PRKD1: variants seen among roughly 807,000 people sequenced by gnomAD.
The protein encoded by PRKD1 is protein kinase D1, also known as serine/threonine-protein kinase D1.
Under a neutral mutation model 95.9 loss-of-function variants are expected in PRKD1, and 63 were observed. That is an observed-to-expected ratio of 0.66 (90% CI 0.54 to 0.81). PRKD1 has a LOEUF of 0.81. Among genes scored for constraint, PRKD1 ranks in the 30% least tolerant of loss-of-function variants. The pLI is 0.00. For missense variants in PRKD1, 1,048 were observed against 1,165.3 expected, an observed-to-expected ratio of 0.90 and a Z score of 1.47; for synonymous variants, 425 against 423.1, an observed-to-expected ratio of 1.00 and a Z score of -0.05.
At chr14:29,773,462 A>G (rs1888600265) in intron 1 of PRKD1, among the ~76,000 whole-genome samples, 3 of 147,410 alleles carry the variant, frequency 2.0e-5, no homozygotes, top group African/African-American at 7.9e-5. Context: ...TCTGTCTCAA[A>G]AAAAAAAAAA....
chr14:29,649,432 A>AT (rs60947711), intron 4 of PRKD1, among the ~76,000 whole-genome samples: 16,916 of 137,050 alleles, frequency 0.12, 1,406 homozygotes, highest in South Asian at 0.24. Context: ...AGTTTTTCTA[A>AT]TTTTTTTTTT....
chr14:29,686,991 C>T (rs1883912640), intron 2 of PRKD1, among the ~76,000 whole-genome samples: 1 of 46,034 alleles, frequency 2.2e-5, no homozygotes, highest in Admixed American at 3.1e-4. Flanking sequence ...TTACTTCATT[C>T]TCCATATCCT....
Position 29,679,722 on chromosome 14 carries a change from A to T in PRKD1, c.404-13514T>A, listed in dbSNP as rs1883425877. Among the ~76,000 whole-genome samples the T allele has an allele frequency of 2.2e-5, 3 of 135,382 alleles. No homozygotes were observed. The South Asian group carries it at 7.3e-4, about 33-fold the overall frequency. The allele number at this position is 135,382 out of a possible 152,430, so 88.8% of individuals were successfully genotyped here. A position where few individuals can be genotyped will look rare whatever the true frequency, so the allele number is the denominator to read the frequency against. On this transcript the variant is annotated intron_variant, in intron 2 of 17. Coordinates refer to ENST00000331968, the MANE Select transcript of PRKD1 (RefSeq NM_002742.3). ...GCTGTAAAAGATGAAGGAAGGTACA[A>T]ATCTTTTTTTTTTTTTTTTTTCTGA...
intron 1 of PRKD1, among the ~76,000 whole-genome samples, chr14:29,857,466 C>T (rs1209542755): frequency 6.6e-6 from 1 of 152,202 alleles, no homozygotes. Flanking sequence ...GTTGGCCTTC[C>T]TGACAGACCC....
intron 13 of PRKD1, among the ~76,000 whole-genome samples, chr14:29,604,288 C>T (rs1463683398): frequency 6.6e-6 from 1 of 152,038 alleles, no homozygotes; most frequent in African/African-American, 2.4e-5. Context: ...GTAGTTTCCA[C>T]CTTCTACCTT....
intron 1 of PRKD1, among the ~76,000 whole-genome samples, chr14:29,882,657 C>T (rs934679255): frequency 1.7e-4 from 26 of 152,192 alleles, no homozygotes; most frequent in African/African-American, 6.0e-4. Flanking sequence ...CGCATTTTCC[C>T]TCTCCCCAGC....
At chr14:29,899,026 T>C (rs778440047) in intron 1 of PRKD1, among the ~76,000 whole-genome samples, 2 of 152,204 alleles carry the variant, frequency 1.3e-5, no homozygotes, top group Non-Finnish European at 1.5e-5. Flanking sequence ...ATATTCAAAA[T>C]GCAAATTCTC....
rs955348763 is a variant in PRKD1 at position 29,638,870 on chromosome 14, T to A, written c.731A>T (p.Glu244Val). 5.8e-6 allele frequency: 9 copies of A among 1,549,268 alleles called. No homozygotes were observed. The highest frequency in any genetic ancestry group is 7.0e-6 in the Non-Finnish European group (8 of 1,135,542). ...KSPSESFIGR[E>V]KRSNSQSYIG... ...GTATGATTGAGAATTTGACCTCTTC[T>A]CTCGACCAATAAACGACTCTGATGG... Residue 244 changes from glutamate (E) to valine (V), a missense_variant, in exon 5 of 18, where the codon GAG becomes GTG. Coordinates refer to ENST00000331968, the MANE Select transcript of PRKD1 (RefSeq NM_002742.3).
Position 29,653,122 on chromosome 14 carries a change from G to C in PRKD1, c.696+10577C>G, listed in dbSNP as rs115095867. On this transcript the variant is annotated intron_variant, in intron 4 of 17. Transcript: ENST00000331968. ...TCATTACATGTGAGTCAGTAAACCT[G>C]TATGAAAATAATAGCAGTTTATGGC... Among the ~76,000 whole-genome samples the C allele has an allele frequency of 8.9e-3, 1,354 of 152,212 alleles. 22 individuals carry two copies. The highest frequency in any genetic ancestry group is 0.031 in the African/African-American group (1,291 of 41,526).
intron 2 of PRKD1, among the ~76,000 whole-genome samples, chr14:29,679,725 CT>C (rs11299614): frequency 0.49 from 62,003 of 127,552 alleles, 15,669 homozygotes; most frequent in African/African-American, 0.75. Context: ...AGGTACAAAT[CT>C]TTTTTTTTTT....
At chr14:29,718,580 A>G (rs1330821942) in intron 2 of PRKD1, among the ~76,000 whole-genome samples, 3 of 152,230 alleles carry the variant, frequency 2.0e-5, no homozygotes, top group Admixed American at 2.0e-4. Flanking sequence ...CACATTTAAC[A>G]TAAGCCATAC....
intron 4 of PRKD1, chr14:29,657,285 T>C (rs1297623333): frequency 6.6e-6 from 1 of 152,240 alleles, no homozygotes; most frequent in Non-Finnish European, 1.5e-5. Context: ...TTTTCATCTC[T>C]GTTCTCTCAA....
intron 16 of PRKD1, among the ~76,000 whole-genome samples, chr14:29,581,789 G>T (rs538774105): frequency 5.9e-4 from 90 of 152,112 alleles, no homozygotes; most frequent in African/African-American, 2.1e-3. Context: ...AATTCTCCTA[G>T]CTTTCTGTCA....
chr14:29,910,855 G>A (rs1423578980), intron 1 of PRKD1, among the ~76,000 whole-genome samples: 1 of 152,074 alleles, frequency 6.6e-6, no homozygotes, highest in Non-Finnish European at 1.5e-5. Flanking sequence ...TAAAAGCCTT[G>A]GTGTTTGTGC....
chr14:29,745,368 C>T (rs1199516681), intron 1 of PRKD1, among the ~76,000 whole-genome samples: 1 of 152,212 alleles, frequency 6.6e-6, no homozygotes, highest in Non-Finnish European at 1.5e-5. Flanking sequence ...GTGTCTGGTA[C>T]ACCGTACATG....
chr14:29,795,614 C>A (rs1250976401), intron 1 of PRKD1, among the ~76,000 whole-genome samples: 1 of 152,074 alleles, frequency 6.6e-6, no homozygotes, highest in Non-Finnish European at 1.5e-5. Context: ...GCTTTCAAAT[C>A]AGAGTTCTTT....
At chr14:29,852,282 A>T (rs1408081939) in intron 1 of PRKD1, among the ~76,000 whole-genome samples, 2 of 152,148 alleles carry the variant, frequency 1.3e-5, no homozygotes, top group African/African-American at 4.8e-5. Flanking sequence ...ATCAATAAAG[A>T]GGCAGAGAAC....
intron 1 of PRKD1, among the ~76,000 whole-genome samples, chr14:29,867,717 C>T (rs1252808328): frequency 1.3e-5 from 2 of 152,154 alleles, no homozygotes; most frequent in Non-Finnish European, 2.9e-5. Context: ...CAGAATGAGC[C>T]AGGGGGTATC....
At chr14:29,688,188 T>C (rs1566540144) in intron 2 of PRKD1, among the ~76,000 whole-genome samples, 1 of 152,202 alleles carries the variant, frequency 6.6e-6, no homozygotes, top group Non-Finnish European at 1.5e-5. Flanking sequence ...TTTCACCCTA[T>C]GGTCCCTCTG....
Sources: gnomAD v4.1 joint callset for allele counts (sites outside exome capture counted in the v4.1 genomes callset) on GRCh38, gnomAD v4.1.1 for gene constraint, MANE v1.5 for transcripts, NCBI Gene and HGNC (gene_info 2026-07-23, HGNC 2026-07-21) for gene names.